ALG6: variants seen among roughly 807,000 people sequenced by gnomAD.
ALG6 encodes dolichyl pyrophosphate Man9GlcNAc2 alpha-1,3-glucosyltransferase.
Under a neutral mutation model 66.6 loss-of-function variants are expected in ALG6, and 46 were observed. The ratio of observed to expected loss-of-function variants is 0.69; its 90% confidence interval spans 0.55 to 0.88. ALG6 has a LOEUF of 0.88. Ranked by LOEUF, ALG6 falls within the 40% of genes least tolerant of loss-of-function variation. The pLI is 0.00. For missense variants in ALG6, 505 were observed against 586.8 expected, an observed-to-expected ratio of 0.86 and a Z score of 1.44; for synonymous variants, 185 against 203.7, an observed-to-expected ratio of 0.91 and a Z score of 0.78.
At chr1:63,389,871 A>G (rs1468966763) in intron 2 of ALG6, among the ~76,000 whole-genome samples, 1 of 152,168 alleles carries the variant, frequency 6.6e-6, no homozygotes, top group Non-Finnish European at 1.5e-5. Flanking sequence ...CAAATCTGAG[A>G]GAATTCTTTG....
At chr1:63,372,521 G>A (rs928496860) in intron 2 of ALG6, among the ~76,000 whole-genome samples, 1 of 121,078 alleles carries the variant, frequency 8.3e-6, no homozygotes, top group East Asian at 2.6e-4. Flanking sequence ...ACCTATATAT[G>A]TGTGTGTCTG....
At chr1:63,383,898 A>T (rs930543127) in intron 2 of ALG6, among the ~76,000 whole-genome samples, 6 of 152,196 alleles carry the variant, frequency 3.9e-5, no homozygotes, top group Non-Finnish European at 8.8e-5. Flanking sequence ...TTTAGCTCCC[A>T]CTAATGAGTG....
intron 14 of ALG6, among the ~76,000 whole-genome samples, chr1:63,430,281 G>A (rs1444126376): frequency 6.6e-6 from 1 of 152,032 alleles, no homozygotes; most frequent in Admixed American, 6.6e-5. Context: ...ACCACATTTT[G>A]TTTATCCATT....
intron 11 of ALG6, among the ~76,000 whole-genome samples, chr1:63,417,085 G>A (rs116509141): frequency 0.012 from 1,806 of 152,216 alleles, 37 homozygotes; most frequent in African/African-American, 0.04. Flanking sequence ...TTGATGATTT[G>A]TGTTGTTTGA....
Position 63,437,724 on chromosome 1 carries a change from AACTTT to A in ALG6, c.*706_*710del, listed in dbSNP as rs1453604103. On this transcript the variant is annotated 3_prime_UTR_variant, in exon 15 of 15. Coordinates refer to ENST00000263440, the MANE Select transcript of ALG6 (RefSeq NM_013339.4). ...TGAATTTAAATGTAAGCTTTAACTT[AACTTT>A]AAGTGGTTTGAGTGAAGTCTTCTAA... 3 of 151,594 alleles carry A rather than the reference AACTTT, an allele frequency of 2.0e-5. No homozygotes were observed. The highest frequency in any genetic ancestry group is 1.3e-4 in the Admixed American group (2 of 15,252). 9.4% of individuals were successfully genotyped at this position (151,594 alleles called of 1,614,324 possible). A position where few individuals can be genotyped will look rare whatever the true frequency, so the allele number is the denominator to read the frequency against.
intron 4 of ALG6, among the ~76,000 whole-genome samples, chr1:63,404,082 TA>T (rs1477905194): frequency 2.0e-5 from 3 of 152,194 alleles, no homozygotes; most frequent in Non-Finnish European, 2.9e-5. Context: ...ATTGTTATGA[TA>T]ACTAAAATAT....
At chr1:63,412,137 A>T in intron 9 of ALG6, 76 bp downstream of exon 9, 6 of 1,594,764 alleles carry the variant, frequency 3.8e-6, no homozygotes, top group East Asian at 2.2e-5. Context: ...TGTAGAAGGT[A>T]CAAGGAATAG....
intron 2 of ALG6, among the ~76,000 whole-genome samples, chr1:63,374,194 A>G (rs1648038338): frequency 6.6e-6 from 1 of 152,178 alleles, no homozygotes; most frequent in African/African-American, 2.4e-5. Flanking sequence ...TTCGAGGAAT[A>G]TGGAGGAAGT....
At chr1:63,405,390 A>G (rs1392323814) in intron 5 of ALG6, among the ~76,000 whole-genome samples, 4 of 152,148 alleles carry the variant, frequency 2.6e-5, no homozygotes, top group African/African-American at 9.6e-5. Context: ...ATTAAAAATT[A>G]CTTTCTAAAT....
intron 11 of ALG6, 76 bp from the exon 12 acceptor site, chr1:63,419,290 TTTTA>T (rs1233022235): frequency 8.4e-7 from 1 of 1,190,090 alleles, no homozygotes; most frequent in African/African-American, 1.5e-5. Flanking sequence ...TTGAAATGAT[TTTTA>T]TTTAGATTCT....
At chr1:63,436,254 G>A (rs911417670) in intron 14 of ALG6, among the ~76,000 whole-genome samples, 7 of 152,030 alleles carry the variant, frequency 4.6e-5, no homozygotes, top group Non-Finnish European at 8.8e-5. Flanking sequence ...AGATCAAATC[G>A]GGGTAACTGG....
rs531060664 is a variant in ALG6, at chr1:63,389,875, T to G, written c.83-6638T>G. 5.3e-5 allele frequency among the ~76,000 whole-genome samples: 8 copies of G among 152,308 alleles called. No homozygotes were observed. The South Asian group carries it at 1.7e-3, about 32-fold the overall frequency. ...GTCTTGGGTAACAAATCTGAGAGAA[T>G]TCTTTGGATTACCAGACAAAGACTC... On this transcript the variant is annotated intron_variant, in intron 2 of 14. Transcript: ENST00000263440.
chr1:63,419,698 A>G (rs1644563815), intron 12 of ALG6, among the ~76,000 whole-genome samples: 1 of 152,188 alleles, frequency 6.6e-6, no homozygotes. Flanking sequence ...CTACATGCTA[A>G]TAAAAAATAT....
chr1:63,422,078 TATAA>T (rs1247325866), intron 12 of ALG6, among the ~76,000 whole-genome samples: 10 of 132,928 alleles, frequency 7.5e-5, no homozygotes, highest in African/African-American at 1.7e-4. Context: ...TAAATATCTA[TATAA>T]ATAAATATAT....
intron 12 of ALG6, among the ~76,000 whole-genome samples, chr1:63,426,775 C>T (rs1368138930): frequency 6.6e-6 from 1 of 152,126 alleles, no homozygotes; most frequent in African/African-American, 2.4e-5. Flanking sequence ...AATTCCTGGG[C>T]TCAAGTGATC....
chr1:63,426,151 G>A (rs114212871), intron 12 of ALG6, among the ~76,000 whole-genome samples: 1 of 152,128 alleles, frequency 6.6e-6, no homozygotes. Context: ...TGGAGGAAGC[G>A]GCCCTGTGGT....
intron 4 of ALG6, 146 bp downstream of exon 4, chr1:63,402,489 T>G: frequency 3.7e-6 from 2 of 540,990 alleles, no homozygotes. Flanking sequence ...TTTTTTGAGA[T>G]GAAGTCTCAC....
rs902826443 is a variant in ALG6 at position 63,438,515 on chromosome 1, G to GAAAT, written c.*1499_*1502dup. On this transcript the variant is annotated 3_prime_UTR_variant, in exon 15 of 15. Transcript: ENST00000263440. ...TGGAGTAGCATAACTTTATTATTTG[G>GAAAT]AAATAAAAGTATTATGTACATATAT... The GAAAT allele has an allele frequency of 4.6e-5, 7 of 152,136 alleles. No individual in the cohort carries two copies. The highest frequency in any genetic ancestry group is 1.7e-4 in the African/African-American group (7 of 41,410). The allele number at this position is 152,136 out of a possible 1,614,324, so 9.4% of individuals were successfully genotyped here. A position where few individuals can be genotyped will look rare whatever the true frequency, so the allele number is the denominator to read the frequency against.
At chr1:63,436,738 C>G in intron 14 of ALG6, 85 bp from the exon 15 acceptor site, 2 of 1,314,424 alleles carry the variant, frequency 1.5e-6, no homozygotes, top group South Asian at 2.4e-5. Flanking sequence ...TTTAATTCTG[C>G]TCATTTAATA....
Sources: gnomAD v4.1 joint callset for allele counts (sites outside exome capture counted in the v4.1 genomes callset) on GRCh38, gnomAD v4.1.1 for gene constraint, MANE v1.5 for transcripts, NCBI Gene and HGNC (gene_info 2026-07-23, HGNC 2026-07-21) for gene names.